SYT1: variants seen among roughly 807,000 people sequenced by gnomAD.
SYT1 encodes synaptotagmin-1.
SYT1 carries 8 observed loss-of-function variants against 44.8 expected under a neutral mutation model. That is an observed-to-expected ratio of 0.18 (90% confidence interval 0.10 to 0.32). The LOEUF (loss-of-function observed/expected upper bound fraction) is 0.32. Ranked by LOEUF, SYT1 falls within the 10% of genes least tolerant of loss-of-function variation. The pLI is 1.00. For synonymous variants in SYT1, 154 were observed against 188.8 expected, an observed-to-expected ratio of 0.82 and a Z score of 1.51; for missense variants, 286 against 509.3, an observed-to-expected ratio of 0.56 and a Z score of 4.22.
At chr12:79,072,316 A>G (rs766816352) in intron 3 of SYT1, among the ~76,000 whole-genome samples, 2 of 152,134 alleles carry the variant, frequency 1.3e-5, no homozygotes, top group East Asian at 1.9e-4. Flanking sequence ...GAATGATAAA[A>G]TCTTGTCCAG....
chr12:79,202,125 T>A (rs1873824255), intron 3 of SYT1, among the ~76,000 whole-genome samples: 1 of 152,124 alleles, frequency 6.6e-6, no homozygotes, highest in African/African-American at 2.4e-5. Context: ...ATGCTCCAAA[T>A]CAGAAACTAT....
intron 1 of SYT1, chr12:78,955,461 G>A (rs181430595): frequency 2.6e-5 from 4 of 152,236 alleles, no homozygotes; most frequent in Admixed American, 1.3e-4. Flanking sequence ...ATTACTTACA[G>A]TTCTGGAAGC....
chr12:79,409,765 A>C (rs1195547425), intron 9 of SYT1, among the ~76,000 whole-genome samples: 1 of 151,994 alleles, frequency 6.6e-6, no homozygotes, highest in African/African-American at 2.4e-5. Context: ...TTTGATTCCT[A>C]ATATGGTAGT....
chr12:78,889,123 G>A (rs550093021), intron 1 of SYT1, among the ~76,000 whole-genome samples: 2 of 151,458 alleles, frequency 1.3e-5, no homozygotes, highest in African/African-American at 4.8e-5. Context: ...TTAATGCATT[G>A]ACAAACATGT....
At chr12:78,870,901 C>T (rs1873788841) in intron 1 of SYT1, among the ~76,000 whole-genome samples, 1 of 152,014 alleles carries the variant, frequency 6.6e-6, no homozygotes, top group Admixed American at 6.6e-5. Context: ...TCAAAACATG[C>T]AGAGCTGTAC....
In SYT1 at chr12:79,450,834, C is replaced by A. The variant is rs925398776; in HGVS notation, c.*1710C>A. The A allele has an allele frequency of 6.6e-6, 1 of 152,650 alleles. No individual in the cohort carries two copies. The highest frequency in any genetic ancestry group is 1.5e-5 in the Non-Finnish European group (1 of 68,048). The allele number at this position is 152,650 out of a possible 1,614,324, so 9.5% of individuals were successfully genotyped here. ...GTGCAATATTCCATATTTTTCCCCA[C>A]TATGGTAGACAACCATTTCGTGGAA... On this transcript the variant is annotated 3_prime_UTR_variant, in exon 11 of 11. Coordinates refer to ENST00000261205, the MANE Select transcript of SYT1 (RefSeq NM_005639.3).
chr12:79,149,139 T>C (rs1272952149), intron 3 of SYT1, among the ~76,000 whole-genome samples: 2 of 152,026 alleles, frequency 1.3e-5, no homozygotes, highest in Non-Finnish European at 2.9e-5. Context: ...TCTAGATTTA[T>C]TTTTTTACTT....
intron 3 of SYT1, among the ~76,000 whole-genome samples, chr12:79,088,440 G>A (rs951123053): frequency 2.6e-5 from 4 of 152,064 alleles, no homozygotes; most frequent in African/African-American, 7.2e-5. Context: ...GGCACTGAAC[G>A]TCAGCAGAGC....
intron 4 of SYT1, among the ~76,000 whole-genome samples, chr12:79,231,614 G>C (rs963807242): frequency 6.6e-6 from 1 of 151,844 alleles, no homozygotes; most frequent in African/African-American, 2.4e-5. Flanking sequence ...CAGGATCTTG[G>C]GACAATAAAC....
chr12:78,981,944 G>A (rs61928073), intron 2 of SYT1, among the ~76,000 whole-genome samples: 1,705 of 152,210 alleles, frequency 0.011, 11 homozygotes, highest in Admixed American at 0.026. Context: ...TAGGGATGGA[G>A]GGCTAGGAGT....
chr12:78,880,317 C>A lies in SYT1; in HGVS notation c.-217+15208C>A, dbSNP rs1454119013. Among the ~76,000 whole-genome samples the A allele has an allele frequency of 2.0e-5, 3 of 151,660 alleles. No individual in the cohort carries two copies. The East Asian group carries it at 5.8e-4, about 29-fold the overall frequency. ...ATTCTCTTTTGATTACTTCTTCAAA[C>A]CTTTTGTGTGTTTACTCAATTTTTG... On this transcript the variant is annotated intron_variant, in intron 1 of 10. Coordinates refer to ENST00000261205, the MANE Select transcript of SYT1 (RefSeq NM_005639.3).
chr12:78,943,615 A>C (rs1485942155), intron 1 of SYT1, among the ~76,000 whole-genome samples: 3 of 152,186 alleles, frequency 2.0e-5, no homozygotes, highest in Non-Finnish European at 2.9e-5. Context: ...TGGCAGGGAC[A>C]TATATTCAAA....
chr12:79,093,552 C>A (rs1877921837), intron 3 of SYT1, among the ~76,000 whole-genome samples: 2 of 151,634 alleles, frequency 1.3e-5, no homozygotes, highest in South Asian at 4.1e-4. Flanking sequence ...TATTAAAGCT[C>A]ATTTCTGAAA....
intron 9 of SYT1, among the ~76,000 whole-genome samples, chr12:79,412,106 T>C (rs1868466737): frequency 6.6e-6 from 1 of 152,172 alleles, no homozygotes; most frequent in Admixed American, 6.5e-5. Flanking sequence ...CACAGGTGAC[T>C]TGAGAGATCA....
intron 1 of SYT1, among the ~76,000 whole-genome samples, chr12:78,938,535 A>G (rs144846008): frequency 1.2e-4 from 19 of 152,262 alleles, no homozygotes; most frequent in Admixed American, 5.2e-4. Flanking sequence ...CCCTCCATCT[A>G]TTTGCACAGG....
At chr12:79,005,058 G>A (rs1762659188) in intron 2 of SYT1, among the ~76,000 whole-genome samples, 1 of 151,996 alleles carries the variant, frequency 6.6e-6, no homozygotes, top group African/African-American at 2.4e-5. Context: ...TGTGGGCACA[G>A]TAAAACTTTC....
intron 9 of SYT1, among the ~76,000 whole-genome samples, chr12:79,394,399 A>G (rs931389151): frequency 7.9e-5 from 12 of 152,238 alleles, no homozygotes; most frequent in Non-Finnish European, 5.9e-5. Context: ...CAGAAGCGCT[A>G]TAGTATTTTA....
At chr12:79,275,407 G>T (rs536965953) in intron 4 of SYT1, among the ~76,000 whole-genome samples, 1 of 152,166 alleles carries the variant, frequency 6.6e-6, no homozygotes, top group East Asian at 2.0e-4. Context: ...AACATTTGGG[G>T]GTGACTGCGT....
intron 3 of SYT1, among the ~76,000 whole-genome samples, chr12:79,129,986 A>C (rs1159954077): frequency 1.3e-5 from 2 of 152,204 alleles, no homozygotes; most frequent in African/African-American, 4.8e-5. Context: ...TATACAAAAA[A>C]AGTAACATTT....
Sources: gnomAD v4.1 joint callset for allele counts (sites outside exome capture counted in the v4.1 genomes callset) on GRCh38, gnomAD v4.1.1 for gene constraint, MANE v1.5 for transcripts, NCBI Gene and HGNC (gene_info 2026-07-23, HGNC 2026-07-21) for gene names.